Variants in MARCHF1 observed in about 807,000 individuals in gnomAD.
MARCHF1 encodes the protein membrane associated ring-CH-type finger 1, also known as E3 ubiquitin-protein ligase MARCHF1.
MARCHF1 carries 40 observed loss-of-function variants against 54.2 expected under a neutral mutation model. That is an observed-to-expected ratio of 0.74 (90% CI 0.57 to 0.96). The LOEUF is 0.96. Ranked by LOEUF, MARCHF1 falls within the 40% of genes least tolerant of loss-of-function variation. The pLI is 0.00. For synonymous variants in MARCHF1, 236 were observed against 236.3 expected, an observed-to-expected ratio of 1.00 and a Z score of 0.01; for missense variants, 586 against 656.5, an observed-to-expected ratio of 0.89 and a Z score of 1.17.
chr4:164,049,549 C>T (rs915093167), intron 2 of MARCHF1, among the ~76,000 whole-genome samples: 3 of 151,948 alleles, frequency 2.0e-5, no homozygotes, highest in Non-Finnish European at 4.4e-5. Flanking sequence ...TGATACAAAA[C>T]ATAATTTAGT....
At chr4:164,297,242 C>T (rs780044708) in intron 1 of MARCHF1, among the ~76,000 whole-genome samples, 1 of 152,046 alleles carries the variant, frequency 6.6e-6, no homozygotes, top group East Asian at 1.9e-4. Context: ...GAATGGTCAG[C>T]GGGACTTAAT....
intron 3 of MARCHF1, among the ~76,000 whole-genome samples, chr4:163,980,073 A>T (rs1373177242): frequency 6.7e-6 from 1 of 149,448 alleles, no homozygotes; most frequent in Non-Finnish European, 1.5e-5. Flanking sequence ...ATCCTAAGCC[A>T]AAAGAACAAA....
chr4:163,580,472 T>C (rs1309633138), intron 8 of MARCHF1, among the ~76,000 whole-genome samples: 3 of 152,052 alleles, frequency 2.0e-5, no homozygotes, highest in Non-Finnish European at 2.9e-5. Context: ...ATAAGGACTA[T>C]TGGAGAAACA....
intron 4 of MARCHF1, among the ~76,000 whole-genome samples, chr4:163,784,059 T>C (rs1164992981): frequency 6.6e-6 from 1 of 152,222 alleles, no homozygotes; most frequent in Non-Finnish European, 1.5e-5. Flanking sequence ...CATTTCAAGT[T>C]TGTGTTACAG....
At chr4:164,042,373 G>A (rs778989394) in intron 2 of MARCHF1, among the ~76,000 whole-genome samples, 5 of 152,202 alleles carry the variant, frequency 3.3e-5, no homozygotes, top group Non-Finnish European at 5.9e-5. Flanking sequence ...GAAACTTACA[G>A]TCATGGTGCA....
At chr4:164,058,103 CA>C (rs1327883554) in intron 2 of MARCHF1, among the ~76,000 whole-genome samples, 2 of 151,950 alleles carry the variant, frequency 1.3e-5, no homozygotes, top group African/African-American at 4.8e-5. Flanking sequence ...AGGGGAACAT[CA>C]CACACTGGGG....
intron 5 of MARCHF1, among the ~76,000 whole-genome samples, chr4:163,630,754 T>C (rs1254318945): frequency 2.6e-5 from 4 of 151,458 alleles, no homozygotes; most frequent in South Asian, 2.1e-4. Flanking sequence ...AAGGAAATGT[T>C]AAAAATTAGA....
chr4:163,667,149 T>TA (rs1005481617), intron 5 of MARCHF1, among the ~76,000 whole-genome samples: 8 of 151,808 alleles, frequency 5.3e-5, no homozygotes, highest in African/African-American at 1.7e-4. Flanking sequence ...GTTCTTTTTT[T>TA]AAAAAAAAAT....
chr4:164,348,907 T>G (rs563540659), intron 1 of MARCHF1, among the ~76,000 whole-genome samples: 2 of 152,312 alleles, frequency 1.3e-5, no homozygotes, highest in African/African-American at 4.8e-5. Flanking sequence ...CTCCCTGATT[T>G]AGAGTGTCTC....
chr4:164,118,557 A>G (rs1047453256), intron 1 of MARCHF1, among the ~76,000 whole-genome samples: 7 of 151,574 alleles, frequency 4.6e-5, no homozygotes, highest in African/African-American at 7.3e-5. Flanking sequence ...ATTTAAGCTT[A>G]TAAGACAAAG....
At chr4:164,028,727 A>G (rs1753819094) in intron 2 of MARCHF1, among the ~76,000 whole-genome samples, 1 of 152,296 alleles carries the variant, frequency 6.6e-6, no homozygotes, top group South Asian at 2.1e-4. Context: ...ATCTAAAATA[A>G]AAGTTGAAAT....
At chr4:163,973,309 A>G (rs527794865) in intron 3 of MARCHF1, among the ~76,000 whole-genome samples, 9 of 152,226 alleles carry the variant, frequency 5.9e-5, no homozygotes, top group Non-Finnish European at 1.3e-4. Flanking sequence ...ACTTGTTCAT[A>G]TAACTGCCAT....
chr4:163,917,302 G>A (rs1309039074), intron 3 of MARCHF1, among the ~76,000 whole-genome samples: 1 of 152,054 alleles, frequency 6.6e-6, no homozygotes, highest in Non-Finnish European at 1.5e-5. Flanking sequence ...AGTACATTTG[G>A]TTTTCTAAGA....
intron 4 of MARCHF1, among the ~76,000 whole-genome samples, chr4:163,840,646 C>T (rs915663440): frequency 6.6e-6 from 1 of 151,720 alleles, no homozygotes; most frequent in Admixed American, 6.6e-5. Flanking sequence ...TGGAAGGTGG[C>T]GGAAAAGGAG....
Position 163,633,386 on chromosome 4 carries a change from C to T in MARCHF1, c.163-19993G>A, listed in dbSNP as rs543401167. On this transcript the variant is annotated intron_variant, in intron 5 of 9. Coordinates refer to ENST00000514618, the MANE Select transcript of MARCHF1 (RefSeq NM_001394959.1). Reference sequence around the variant, plus strand: ...GAATGTATAACTAGAAAAACCAATACAGAGAAGTGCTTAAAGGAGCTGATG... The same window carrying T: ...GAATGTATAACTAGAAAAACCAATATAGAGAAGTGCTTAAAGGAGCTGATG... 1.6e-3 allele frequency among the ~76,000 whole-genome samples: 237 copies of T among 152,186 alleles called. 1 individual carries two copies. The highest frequency in any genetic ancestry group is 2.8e-3 in the Non-Finnish European group (193 of 68,020).
At chr4:163,951,243 G>T (rs538092572) in intron 3 of MARCHF1, among the ~76,000 whole-genome samples, 1 of 152,214 alleles carries the variant, frequency 6.6e-6, no homozygotes, top group South Asian at 2.1e-4. Context: ...TTTATCTTTA[G>T]GTCTATTGAT....
intron 2 of MARCHF1, among the ~76,000 whole-genome samples, chr4:164,041,179 G>A (rs974412996): frequency 6.6e-5 from 10 of 151,986 alleles, no homozygotes; most frequent in Non-Finnish European, 1.3e-4. Flanking sequence ...CACTTAAGCA[G>A]ACCGAGAATT....
intron 1 of MARCHF1, among the ~76,000 whole-genome samples, chr4:164,315,590 A>G (rs1734974675): frequency 6.6e-6 from 1 of 152,198 alleles, no homozygotes; most frequent in Admixed American, 6.5e-5. Context: ...GTCTAAATTA[A>G]TAGTCCATTT....
chr4:164,320,117 T>A (rs530165577), intron 1 of MARCHF1, among the ~76,000 whole-genome samples: 1 of 152,298 alleles, frequency 6.6e-6, no homozygotes, highest in East Asian at 1.9e-4. Flanking sequence ...TCAAAAAACA[T>A]TTGCCAGCAT....
Sources: gnomAD v4.1 joint callset for allele counts (sites outside exome capture counted in the v4.1 genomes callset) on GRCh38, gnomAD v4.1.1 for gene constraint, MANE v1.5 for transcripts, NCBI Gene and HGNC (gene_info 2026-07-23, HGNC 2026-07-21) for gene names.